Variants in PTPRR observed in about 807,000 individuals in gnomAD.
The protein encoded by PTPRR is receptor-type tyrosine-protein phosphatase R.
Under a neutral mutation model 77.2 loss-of-function variants are expected in PTPRR, and 38 were observed. The observed-to-expected ratio is 0.49, with a 90% CI of 0.38 to 0.65. The LOEUF (loss-of-function observed/expected upper bound fraction) is 0.65, where lower values mean the gene tolerates loss of function less well. Among genes scored for constraint, PTPRR ranks in the 30% least tolerant of loss-of-function variants. The probability of loss-of-function intolerance (pLI) is 0.00; values close to 1 mark genes in which losing one functional copy is unlikely to be tolerated. For missense variants in PTPRR, 744 were observed against 799.2 expected, an observed-to-expected ratio of 0.93 and a Z score of 0.83; for synonymous variants, 299 against 283.1, an observed-to-expected ratio of 1.06 and a Z score of -0.57.
At chr12:70,870,451 T>G (rs994996896) in intron 2 of PTPRR, among the ~76,000 whole-genome samples, 4 of 152,206 alleles carry the variant, frequency 2.6e-5, no homozygotes, top group African/African-American at 9.6e-5. Flanking sequence ...TTCTGCAGAT[T>G]TGCTATTATC....
chr12:70,706,240 A>G (rs1264459304), intron 6 of PTPRR, among the ~76,000 whole-genome samples: 2 of 152,092 alleles, frequency 1.3e-5, no homozygotes, highest in Non-Finnish European at 2.9e-5. Context: ...TAAATTATAC[A>G]TAGTACCAAC....
intron 2 of PTPRR, among the ~76,000 whole-genome samples, chr12:70,870,215 G>A (rs987506732): frequency 3.9e-5 from 6 of 152,052 alleles, no homozygotes; most frequent in Admixed American, 3.3e-4. Flanking sequence ...CAGATGAAAG[G>A]GGATGCAGAG....
intron 2 of PTPRR, among the ~76,000 whole-genome samples, chr12:70,790,373 T>A (rs571823528): frequency 6.6e-6 from 1 of 152,268 alleles, no homozygotes; most frequent in Admixed American, 6.5e-5. Flanking sequence ...TTCCTTCCTC[T>A]GCCCTGATAC....
chr12:70,763,289 C>T lies in PTPRR; in HGVS notation c.471+1376G>A, dbSNP rs183348637. On this transcript the variant is annotated intron_variant, in intron 3 of 13. Coordinates refer to ENST00000283228, the MANE Select transcript of PTPRR (RefSeq NM_002849.4). ...GATTACAGATGCCTGCCACCATGCCCGGCCAATTTTTTGTATTTTAAGTAG... is the reference window on the plus strand; with the variant it reads ...GATTACAGATGCCTGCCACCATGCCTGGCCAATTTTTTGTATTTTAAGTAG... Among the ~76,000 whole-genome samples, 311 of 151,944 alleles carry T rather than the reference C, an allele frequency of 2.0e-3. 11 individuals are homozygous for T. The highest frequency in any genetic ancestry group is 2.8e-4 in the Non-Finnish European group (19 of 67,964).
intron 1 of PTPRR, among the ~76,000 whole-genome samples, chr12:70,897,469 C>T (rs1228739756): frequency 6.6e-6 from 1 of 151,756 alleles, no homozygotes; most frequent in Admixed American, 6.6e-5. Context: ...CATCTCACAC[C>T]AGTTAGAATG....
chr12:70,754,080 A>G lies in PTPRR; in HGVS notation c.738+111T>C, dbSNP rs558750415. The G allele has an allele frequency of 8.1e-6, 8 of 990,720 alleles. 1 individual carries two copies. The South Asian group carries it at 1.2e-4, about 15-fold the overall frequency. The allele number at this position is 990,720 out of a possible 1,614,324, so 61.4% of individuals were successfully genotyped here. A position where few individuals can be genotyped will look rare whatever the true frequency, so the allele number is the denominator to read the frequency against. On this transcript the variant is annotated intron_variant, in intron 5 of 13. Coordinates refer to ENST00000283228, the MANE Select transcript of PTPRR (RefSeq NM_002849.4). ...AATATTCCTAATCTAGCAGGATCATAGTCTTCCTTCTGCTCGGAAGCATTT... is the reference window on the plus strand; with the variant it reads ...AATATTCCTAATCTAGCAGGATCATGGTCTTCCTTCTGCTCGGAAGCATTT...
At chr12:70,786,281 C>T (rs928856868) in intron 2 of PTPRR, among the ~76,000 whole-genome samples, 20 of 152,268 alleles carry the variant, frequency 1.3e-4, no homozygotes, top group Middle Eastern at 3.4e-3. Context: ...ATGATTACTT[C>T]GAAGAGGCTT....
intron 10 of PTPRR, chr12:70,672,447 T>A (rs964808429): frequency 9.3e-7 from 1 of 1,080,510 alleles, no homozygotes; most frequent in East Asian, 2.4e-5. Flanking sequence ...AGGCCACAGA[T>A]GCCATGGCCC....
chr12:70,805,787 C>T (rs1427122928), intron 2 of PTPRR, among the ~76,000 whole-genome samples: 2 of 152,126 alleles, frequency 1.3e-5, no homozygotes, highest in African/African-American at 4.8e-5. Flanking sequence ...ATGCATTGCT[C>T]AAGATTATAT....
intron 2 of PTPRR, among the ~76,000 whole-genome samples, chr12:70,882,092 T>C (rs1430696742): frequency 2.6e-5 from 4 of 152,308 alleles, no homozygotes; most frequent in East Asian, 1.9e-4. Flanking sequence ...GTTTTTATTC[T>C]GTCATCCTGT....
intron 1 of PTPRR, among the ~76,000 whole-genome samples, chr12:70,905,637 A>G (rs909497738): frequency 6.6e-6 from 1 of 151,994 alleles, no homozygotes; most frequent in African/African-American, 2.4e-5. Context: ...AGAGAAATGA[A>G]TGAAATTACA....
chr12:70,781,961 C>G (rs1340364801), intron 2 of PTPRR, among the ~76,000 whole-genome samples: 4 of 152,074 alleles, frequency 2.6e-5, no homozygotes, highest in African/African-American at 9.7e-5. Flanking sequence ...GTTGCAATAC[C>G]AACTTCATGA....
chr12:70,909,338 G>A (rs1893667863), intron 1 of PTPRR, among the ~76,000 whole-genome samples: 1 of 152,162 alleles, frequency 6.6e-6, no homozygotes. Context: ...TATGTGGACA[G>A]GATTTTCAAA....
intron 6 of PTPRR, among the ~76,000 whole-genome samples, chr12:70,711,892 T>A (rs1017632158): frequency 2.0e-5 from 3 of 152,178 alleles, no homozygotes; most frequent in South Asian, 2.1e-4. Flanking sequence ...ATTATGAAAA[T>A]CTACTCTCTC....
intron 2 of PTPRR, among the ~76,000 whole-genome samples, chr12:70,813,725 C>T (rs1891850341): frequency 6.6e-6 from 1 of 152,210 alleles, no homozygotes; most frequent in Non-Finnish European, 1.5e-5. Context: ...AGAGGCCACA[C>T]ATCTCCCCAA....
chr12:70,730,128 A>AT (rs1889600052), intron 6 of PTPRR, among the ~76,000 whole-genome samples: 1 of 152,142 alleles, frequency 6.6e-6, no homozygotes. Context: ...TCTAATGAGA[A>AT]TTTCTGTCAC....
chr12:70,758,802 T>G (rs1890620720), intron 4 of PTPRR, among the ~76,000 whole-genome samples: 1 of 152,234 alleles, frequency 6.6e-6, no homozygotes, highest in African/African-American at 2.4e-5. Context: ...ATTCTTATTA[T>G]CTCTTTGTGT....
chr12:70,810,713 A>G (rs1891793671), intron 2 of PTPRR, among the ~76,000 whole-genome samples: 1 of 152,210 alleles, frequency 6.6e-6, no homozygotes, highest in Non-Finnish European at 1.5e-5. Flanking sequence ...TGCTCTAGTG[A>G]GAAATGTACC....
intron 2 of PTPRR, among the ~76,000 whole-genome samples, chr12:70,874,055 G>A (rs908846799): frequency 3.3e-5 from 5 of 152,156 alleles, no homozygotes; most frequent in Non-Finnish European, 7.3e-5. Context: ...GCTTTAAGGA[G>A]CAGAACTCAA....
Sources: gnomAD v4.1 joint callset for allele counts (sites outside exome capture counted in the v4.1 genomes callset) on GRCh38, gnomAD v4.1.1 for gene constraint, MANE v1.5 for transcripts, NCBI Gene and HGNC (gene_info 2026-07-23, HGNC 2026-07-21) for gene names.